Variants in ISY1 observed in about 807,000 individuals in gnomAD.
The protein encoded by ISY1 is pre-mRNA-splicing factor ISY1 homolog.
ISY1 carries 12 observed loss-of-function variants against 54.4 expected under a neutral mutation model. The ratio of observed to expected loss-of-function variants is 0.22; its 90% CI spans 0.14 to 0.36. The LOEUF is 0.36. Among genes scored for constraint, ISY1 ranks in the 10% least tolerant of loss-of-function variants. The pLI, the probability that ISY1 is intolerant of heterozygous loss-of-function variation, is 1.00. For synonymous variants in ISY1, 96 were observed against 117.9 expected (o/e 0.81, Z 1.20); for missense variants, 282 against 342.2 (o/e 0.82, Z 1.39).
chr3:129,132,177 G>A (rs1936255342), intron 9 of ISY1, among the ~76,000 whole-genome samples: 1 of 152,096 alleles, frequency 6.6e-6, no homozygotes, highest in African/African-American at 2.4e-5. Context: ...TCCACACATG[G>A]AGACAAATGA....
At chr3:129,134,726 A>C (rs184482311) in intron 8 of ISY1, 106 bp downstream of exon 8, 1 of 1,415,194 alleles carries the variant, frequency 7.1e-7, no homozygotes, top group East Asian at 2.8e-5. Context: ...ATTAGCAACA[A>C]AGAAAACTCC....
At chr3:129,145,327 A>G (rs1576882255) in intron 6 of ISY1, among the ~76,000 whole-genome samples, 1 of 150,906 alleles carries the variant, frequency 6.6e-6, no homozygotes, top group Non-Finnish European at 1.5e-5. Flanking sequence ...GGTTCAAGTG[A>G]TTCTCCTGCC....
chr3:129,157,796 T>A (rs1267616088), intron 3 of ISY1, among the ~76,000 whole-genome samples: 2 of 147,526 alleles, frequency 1.4e-5, no homozygotes, highest in Non-Finnish European at 3.0e-5. Context: ...GCCAGATCCA[T>A]CACCCTGCCT....
At chr3:129,136,711 A>G (rs1936413256) in intron 7 of ISY1, among the ~76,000 whole-genome samples, 1 of 141,678 alleles carries the variant, frequency 7.1e-6, no homozygotes, top group African/African-American at 2.7e-5. Context: ...TTTTTTAAAG[A>G]CAGAGCCTCG....
chr3:129,128,016 C>G lies in ISY1; in HGVS notation c.*2065G>C, dbSNP rs1451404710. ...GCTCCCAAGAGGCTCAGACCTGGGT[C>G]AGTCTGTCCCTAGGGCCCTCTGAGG... On this transcript the variant is annotated 3_prime_UTR_variant, in exon 11 of 11. Coordinates refer to ENST00000393295, the MANE Select transcript of ISY1 (RefSeq NM_020701.4). 1 of 152,394 alleles carries G rather than the reference C, an allele frequency of 6.6e-6. No homozygotes were observed. The highest frequency in any genetic ancestry group is 1.9e-4 in the East Asian group (1 of 5,194). 9.4% of individuals were successfully genotyped at this position (152,394 alleles called of 1,614,324 possible). A position where few individuals can be genotyped will look rare whatever the true frequency, so the allele number is the denominator to read the frequency against.
chr3:129,142,916 G>A (rs1247111298), intron 6 of ISY1, among the ~76,000 whole-genome samples: 4 of 151,720 alleles, frequency 2.6e-5, no homozygotes, highest in South Asian at 2.1e-4. Flanking sequence ...TTAGCTGGGC[G>A]TGGTGGTGGG....
At chr3:129,150,083 C>CTGGTG (rs2107614857) in intron 5 of ISY1, among the ~76,000 whole-genome samples, 1 of 152,106 alleles carries the variant, frequency 6.6e-6, no homozygotes, top group South Asian at 2.1e-4. Context: ...TCACCAATAC[C>CTGGTG]ACATTATCTG....
intron 1 of ISY1, among the ~76,000 whole-genome samples, chr3:129,159,612 GT>G (rs1937244467): frequency 6.6e-6 from 1 of 152,210 alleles, no homozygotes; most frequent in Admixed American, 6.5e-5. Context: ...CTTTCGTAAA[GT>G]TTTATGTAAG....
chr3:129,154,243 A>AC (rs1491518286), intron 5 of ISY1, among the ~76,000 whole-genome samples: 1 of 114,398 alleles, frequency 8.7e-6, no homozygotes, highest in Non-Finnish European at 1.6e-5. Context: ...ACTCTGTCTC[A>AC]AAAAAAAAAA....
intron 10 of ISY1, 76 bp from the exon 11 acceptor site, chr3:129,130,264 T>A (rs188593699): frequency 6.7e-7 from 1 of 1,503,548 alleles, no homozygotes; most frequent in African/African-American, 1.4e-5. Context: ...CAGGAGGAAG[T>A]CCCCGTGGGA....
intron 5 of ISY1, among the ~76,000 whole-genome samples, chr3:129,147,861 T>C (rs1209978511): frequency 6.6e-6 from 1 of 152,210 alleles, no homozygotes; most frequent in Non-Finnish European, 1.5e-5. Flanking sequence ...GAACATCATA[T>C]AAATGGATCA....
chr3:129,137,177 C>T (rs1184594459), intron 7 of ISY1: 15 of 810,290 alleles, frequency 1.9e-5, no homozygotes, highest in Non-Finnish European at 2.2e-5. Flanking sequence ...GGATTACAGG[C>T]ATGAGCCACC....
chr3:129,141,529 C>T (rs1205759584), intron 6 of ISY1, among the ~76,000 whole-genome samples: 4 of 151,328 alleles, frequency 2.6e-5, no homozygotes, highest in Admixed American at 6.6e-5. Flanking sequence ...CCGAGGTGGG[C>T]GGATCACGAG....
chr3:129,160,892 G>C lies in ISY1; in HGVS notation c.3+81C>G, dbSNP rs1410290794. On this transcript the variant is annotated intron_variant, in intron 1 of 10. Coordinates refer to ENST00000393295, the MANE Select transcript of ISY1 (RefSeq NM_020701.4). ...AGCACTGCACGTCTGAGCCTCTACC[G>C]AATGAGCGCCCCAGGTGGACTGGGC... 4 of 1,516,326 alleles carry C rather than the reference G, an allele frequency of 2.6e-6. No individual in the cohort carries two copies. The South Asian group carries it at 3.6e-5, about 14-fold the overall frequency. 93.9% of individuals were successfully genotyped at this position (1,516,326 alleles called of 1,614,324 possible).
chr3:129,155,932 G>C (rs1029771918), intron 5 of ISY1, among the ~76,000 whole-genome samples: 44 of 151,860 alleles, frequency 2.9e-4, no homozygotes, highest in Non-Finnish European at 4.9e-4. Flanking sequence ...TGTTGGTCAG[G>C]CTGGTCTCAA....
At chr3:129,130,865 C>T (rs562868378) in intron 9 of ISY1, among the ~76,000 whole-genome samples, 80 of 152,254 alleles carry the variant, frequency 5.3e-4, no homozygotes, top group Non-Finnish European at 1.0e-3. Context: ...AAATTACTGA[C>T]GGCAGTGAGA....
At chr3:129,149,936 T>C (rs2107614719) in intron 5 of ISY1, among the ~76,000 whole-genome samples, 1 of 148,358 alleles carries the variant, frequency 6.7e-6, no homozygotes, top group East Asian at 2.0e-4. Context: ...ACTGCACCAC[T>C]GTACTCCAGG....
intron 8 of ISY1, 129 bp downstream of exon 8, chr3:129,134,703 A>G: frequency 2.3e-6 from 3 of 1,281,544 alleles, no homozygotes; most frequent in Non-Finnish European, 3.1e-6. Context: ...GCAGACCATC[A>G]CGCCTGAAGA....
chr3:129,157,716 C>CAAAA (rs1265760940), intron 3 of ISY1, among the ~76,000 whole-genome samples: 66 of 44,498 alleles, frequency 1.5e-3, no homozygotes, highest in African/African-American at 5.2e-3. Flanking sequence ...GCGTCCATCT[C>CAAAA]AAAAAAAAAA....
Sources: allele counts gnomAD v4.1 joint callset (sites outside exome capture counted in the v4.1 genomes callset), GRCh38; gene constraint gnomAD v4.1.1; transcripts MANE v1.5; gene names NCBI Gene and HGNC (gene_info 2026-07-23, HGNC 2026-07-21).